MTA3: variants seen among roughly 807,000 people sequenced by gnomAD.
MTA3 encodes metastasis associated 1 family member 3.
A neutral mutation model predicts 83.5 loss-of-function variants in MTA3; 34 were observed. The observed-to-expected ratio is 0.41, with a 90% CI of 0.31 to 0.54. The LOEUF (loss-of-function observed/expected upper bound fraction) is 0.54. Ranked by LOEUF, MTA3 falls within the 20% of genes least tolerant of loss-of-function variation. The pLI is 0.33. For missense variants in MTA3, 761 were observed against 726.4 expected (o/e 1.05, Z -0.55); for synonymous variants, 303 against 252.7 (o/e 1.20, Z -1.89).
chr2:42,622,183 A>G (rs1022097865), intron 4 of MTA3, among the ~76,000 whole-genome samples: 1 of 152,246 alleles, frequency 6.6e-6, no homozygotes, highest in Middle Eastern at 3.4e-3. Context: ...CTGGCAGATC[A>G]CTCGCGGTTA....
chr2:42,503,562 T>A (rs1251646383), intron 2 of MTA3, among the ~76,000 whole-genome samples: 1 of 152,324 alleles, frequency 6.6e-6, no homozygotes, highest in African/African-American at 2.4e-5. Flanking sequence ...TTTAAACTAC[T>A]GTTACCTTCT....
chr2:42,562,841 C>G (rs1677733469), intron 2 of MTA3, among the ~76,000 whole-genome samples: 1 of 152,184 alleles, frequency 6.6e-6, no homozygotes, highest in Admixed American at 6.6e-5. Flanking sequence ...GAGAAGACAT[C>G]TACCTGGATA....
intron 14 of MTA3, among the ~76,000 whole-genome samples, chr2:42,715,509 A>T (rs1244244082): frequency 6.8e-6 from 1 of 146,724 alleles, no homozygotes; most frequent in Non-Finnish European, 1.5e-5. Context: ...AACTCAAGGG[A>T]TCCTCCCTCC....
At chr2:42,598,843 CT>C (rs1213727575) in intron 3 of MTA3, among the ~76,000 whole-genome samples, 1 of 152,124 alleles carries the variant, frequency 6.6e-6, no homozygotes, top group African/African-American at 2.4e-5. Flanking sequence ...ACTGGGCCCC[CT>C]GGAGGACTTT....
At chr2:42,746,927 G>A (rs1187168001) in intron 16 of MTA3, among the ~76,000 whole-genome samples, 1 of 151,768 alleles carries the variant, frequency 6.6e-6, no homozygotes, top group Non-Finnish European at 1.5e-5. Context: ...AAATGTGATT[G>A]GACAAAAAGG....
Position 42,609,452 on chromosome 2 carries a change from G to T in MTA3, c.191-6G>T. 6.2e-7 allele frequency: 1 copy of T among 1,613,098 alleles called. No individual in the cohort carries two copies. Among genetic ancestry groups the T allele is most frequent in the Non-Finnish European group, 8.5e-7 (1 of 1,179,366 alleles). On this transcript the variant is annotated splice_region_variant and splice_polypyrimidine_tract_variant and intron_variant, in intron 3 of 16. Transcript: ENST00000405094. ...CTAATAAATTCTTTGAATTTTATTT[G>T]TGTAGAAGAAATTGAGGAAGAATCT...
chr2:42,724,277 A>AAAACACACACACACACAC (rs1553396460), intron 16 of MTA3, among the ~76,000 whole-genome samples: 4 of 73,150 alleles, frequency 5.5e-5, no homozygotes, highest in African/African-American at 1.2e-4. Flanking sequence ...AGTCCTGAAA[A>AAAACACACACACACACAC]ACACACACAC....
chr2:42,743,121 T>G (rs1026927088), intron 16 of MTA3, among the ~76,000 whole-genome samples: 2 of 152,174 alleles, frequency 1.3e-5, no homozygotes, highest in African/African-American at 4.8e-5. Flanking sequence ...GAAGTCTGAA[T>G]CAGAAAGAAT....
chr2:42,722,483 G>A (rs1054987529), intron 15 of MTA3, among the ~76,000 whole-genome samples: 5 of 152,136 alleles, frequency 3.3e-5, no homozygotes, highest in Admixed American at 6.6e-5. Flanking sequence ...TACGTGACAT[G>A]GTGCCTGGTT....
intron 2 of MTA3, among the ~76,000 whole-genome samples, chr2:42,576,876 A>C (rs1679095845): frequency 1.3e-5 from 2 of 151,972 alleles, no homozygotes; most frequent in African/African-American, 4.8e-5. Context: ...CAGCCTGGGC[A>C]ACAGTGAAAC....
At chr2:42,546,302 G>A (rs1374990327) in intron 2 of MTA3, among the ~76,000 whole-genome samples, 2 of 152,124 alleles carry the variant, frequency 1.3e-5, no homozygotes, top group African/African-American at 4.8e-5. Flanking sequence ...AGTGGAGGGT[G>A]TGGCCTGGCC....
At chr2:42,632,745 A>G (rs1274795015) in intron 4 of MTA3, among the ~76,000 whole-genome samples, 1 of 152,148 alleles carries the variant, frequency 6.6e-6, no homozygotes, top group Non-Finnish European at 1.5e-5. Flanking sequence ...AAATAGATTA[A>G]TCGATTTTAT....
At chr2:42,535,402 A>C (rs902270465) in intron 2 of MTA3, among the ~76,000 whole-genome samples, 1 of 151,682 alleles carries the variant, frequency 6.6e-6, no homozygotes, top group Non-Finnish European at 1.5e-5. Context: ...AAACAGACAA[A>C]CTTTTTTTTT....
At chr2:42,662,912 A>G (rs1181642290) in intron 8 of MTA3, among the ~76,000 whole-genome samples, 1 of 151,876 alleles carries the variant, frequency 6.6e-6, no homozygotes, top group African/African-American at 2.4e-5. Context: ...TTGTATTTTT[A>G]GTAGAGACGG....
chr2:42,662,920 C>T (rs954761526), intron 8 of MTA3, among the ~76,000 whole-genome samples: 11 of 151,778 alleles, frequency 7.2e-5, no homozygotes, highest in Non-Finnish European at 1.6e-4. Flanking sequence ...TTAGTAGAGA[C>T]GGGTTTCACC....
At chr2:42,494,174 G>C (rs1674021480), upstream of MTA3, 1 of 152,188 alleles carries the variant, frequency 6.6e-6, no homozygotes, top group African/African-American at 2.4e-5. Flanking sequence ...CCTGGACCTC[G>C]GGCTCCCCGC....
intron 16 of MTA3, chr2:42,752,214 A>C (rs747637455): frequency 3.0e-5 from 14 of 471,312 alleles, no homozygotes; most frequent in Non-Finnish European, 4.0e-5. Flanking sequence ...AGCTGGGTAC[A>C]GGTATCTTCC....
intron 8 of MTA3, among the ~76,000 whole-genome samples, chr2:42,664,637 A>G (rs937199403): frequency 2.0e-5 from 3 of 151,822 alleles, no homozygotes; most frequent in Non-Finnish European, 2.9e-5. Context: ...GTCCGCCACC[A>G]CTGCCGACTA....
intron 2 of MTA3, among the ~76,000 whole-genome samples, chr2:42,508,183 C>G (rs922366477): frequency 3.3e-5 from 5 of 152,030 alleles, no homozygotes; most frequent in African/African-American, 1.2e-4. Context: ...TCAAATGTCA[C>G]TTCCTCAGAG....
Sources: allele counts gnomAD v4.1 joint callset (sites outside exome capture counted in the v4.1 genomes callset), GRCh38; gene constraint gnomAD v4.1.1; transcripts MANE v1.5; gene names NCBI Gene and HGNC (gene_info 2026-07-23, HGNC 2026-07-21).